The following DMRT1 variants were observed in gnomAD, a reference collection of about 807,000 sequenced individuals.
DMRT1 encodes doublesex- and mab-3-related transcription factor 1.
DMRT1 carries 7 observed loss-of-function variants against 32.3 expected under a neutral mutation model. That is an observed-to-expected ratio of 0.22 (90% CI 0.12 to 0.41). DMRT1 has a LOEUF of 0.41. Ranked by LOEUF, DMRT1 falls within the 10% of genes least tolerant of loss-of-function variation. DMRT1 has a pLI of 1.00. For synonymous variants in DMRT1, 278 were observed against 206.1 expected (o/e 1.35, Z -2.99); for missense variants, 625 against 500.5 (o/e 1.25, Z -2.37).
chr9:853,344 T>G (rs550621501), intron 2 of DMRT1, among the ~76,000 whole-genome samples: 2 of 152,338 alleles, frequency 1.3e-5, no homozygotes, highest in South Asian at 2.1e-4. Flanking sequence ...TTGTGTCCAT[T>G]ATAGTATTCA....
At chr9:901,012 T>A (rs1207578093) in intron 3 of DMRT1, among the ~76,000 whole-genome samples, 18 of 145,754 alleles carry the variant, frequency 1.2e-4, no homozygotes, top group African/African-American at 2.5e-4. Flanking sequence ...TTTTTTTTTT[T>A]AATTATTATT....
intron 2 of DMRT1, among the ~76,000 whole-genome samples, chr9:851,543 A>G (rs1301512331): frequency 6.6e-6 from 1 of 152,096 alleles, no homozygotes; most frequent in Non-Finnish European, 1.5e-5. Flanking sequence ...TGGCCTTAGT[A>G]GAATTTAAAG....
intron 2 of DMRT1, among the ~76,000 whole-genome samples, chr9:870,709 C>CTTGTTTTTTTTTT (rs1816207331): frequency 1.4e-5 from 1 of 69,560 alleles, no homozygotes; most frequent in Non-Finnish European, 2.5e-5. Flanking sequence ...ATTTTCTTGA[C>CTTGTTTTTTTTTT]TTTTTTTTTT....
At chr9:881,416 C>A (rs1816732297) in intron 2 of DMRT1, among the ~76,000 whole-genome samples, 2 of 152,118 alleles carry the variant, frequency 1.3e-5, no homozygotes, top group African/African-American at 4.8e-5. Flanking sequence ...CTTTCTGGGG[C>A]CTGCAGGGAC....
rs1437202526 is a variant in DMRT1, at chr9:943,318, C to T, written c.968-24667C>T. Among the ~76,000 whole-genome samples the T allele has an allele frequency of 2.0e-5, 3 of 152,336 alleles. No individual in the cohort carries two copies. In the East Asian group the frequency reaches 5.8e-4, roughly 29 times the overall value. On this transcript the variant is annotated intron_variant, in intron 4 of 4. Coordinates refer to ENST00000382276, the MANE Select transcript of DMRT1 (RefSeq NM_021951.3). ...GTTGAACCCCCTCACTTCTGAGTTGCACCTGTGTACTTGAAAAACAGTAAC... is the reference window on the plus strand; with the variant it reads ...GTTGAACCCCCTCACTTCTGAGTTGTACCTGTGTACTTGAAAAACAGTAAC...
At chr9:869,807 C>G (rs1172199982) in intron 2 of DMRT1, among the ~76,000 whole-genome samples, 1 of 152,030 alleles carries the variant, frequency 6.6e-6, no homozygotes, top group Non-Finnish European at 1.5e-5. Flanking sequence ...AGTCTTTTCT[C>G]CTCTTCTCCC....
At chr9:887,005 C>G (rs1164616968) in intron 2 of DMRT1, among the ~76,000 whole-genome samples, 2 of 152,200 alleles carry the variant, frequency 1.3e-5, no homozygotes, top group East Asian at 3.9e-4. Context: ...GATTGCTTTC[C>G]TGGTCTCTGG....
chr9:949,181 TG>T (rs1300126572), intron 4 of DMRT1, among the ~76,000 whole-genome samples: 2 of 152,040 alleles, frequency 1.3e-5, no homozygotes, highest in Non-Finnish European at 1.5e-5. Flanking sequence ...AAGATCAGCC[TG>T]GGCAACAAAG....
chr9:864,879 C>T (rs1290636713), intron 2 of DMRT1, among the ~76,000 whole-genome samples: 1 of 134,994 alleles, frequency 7.4e-6, no homozygotes, highest in Non-Finnish European at 1.6e-5. Flanking sequence ...AAAGCTTCGA[C>T]TAAACCATTT....
intron 2 of DMRT1, among the ~76,000 whole-genome samples, chr9:868,027 G>C (rs541026468): frequency 2.6e-5 from 4 of 152,302 alleles, no homozygotes; most frequent in Admixed American, 2.0e-4. Flanking sequence ...GCCCAGGCTG[G>C]AGTGCAGTCG....
At chr9:952,830 CA>C (rs1306023288) in intron 4 of DMRT1, among the ~76,000 whole-genome samples, 1 of 152,158 alleles carries the variant, frequency 6.6e-6, no homozygotes. Flanking sequence ...ATACTTTCAA[CA>C]GTAACATTAA....
At chr9:861,160 A>C (rs572729611) in intron 2 of DMRT1, among the ~76,000 whole-genome samples, 20 of 151,444 alleles carry the variant, frequency 1.3e-4, no homozygotes, top group African/African-American at 4.8e-4. Context: ...TCAGCAGATA[A>C]ACATGTGAAC....
chr9:862,066 C>A (rs143534583), intron 2 of DMRT1, among the ~76,000 whole-genome samples: 1 of 136,404 alleles, frequency 7.3e-6, no homozygotes. Context: ...GATGGGCGGC[C>A]AGGCAGAGAC....
chr9:937,839 T>C (rs1271252650), intron 4 of DMRT1, among the ~76,000 whole-genome samples: 1 of 152,116 alleles, frequency 6.6e-6, no homozygotes, highest in African/African-American at 2.4e-5. Flanking sequence ...CAAAAGTTTT[T>C]TTTTTATTTT....
At chr9:883,226 A>G (rs10977270) in intron 2 of DMRT1, among the ~76,000 whole-genome samples, 78,681 of 151,160 alleles carry the variant, frequency 0.52, 23,782 homozygotes, top group South Asian at 0.68. Context: ...AGTTCACACC[A>G]AGAAAAAAAA....
Position 846,942 on chromosome 9 carries a change from A to T in DMRT1, c.355-18A>T. Reference sequence around the variant, plus strand: ...ATTCTGGAGTGCTGGAGGATGACTCATTGTCGTGTGCTTCCAGGTGGCCCT... The same window carrying T: ...ATTCTGGAGTGCTGGAGGATGACTCTTTGTCGTGTGCTTCCAGGTGGCCCT... On this transcript the variant is annotated intron_variant, in intron 1 of 4. Coordinates refer to ENST00000382276, the MANE Select transcript of DMRT1 (RefSeq NM_021951.3). 1.2e-6 allele frequency: 2 copies of T among 1,614,030 alleles called. No homozygotes were observed. Among genetic ancestry groups the T allele is most frequent in the Non-Finnish European group, 1.7e-6 (2 of 1,180,042 alleles).
At chr9:880,828 T>C (rs1236202576) in intron 2 of DMRT1, among the ~76,000 whole-genome samples, 1 of 151,668 alleles carries the variant, frequency 6.6e-6, no homozygotes, top group Non-Finnish European at 1.5e-5. Context: ...CGCTGCATCA[T>C]CAGTGCCCGT....
chr9:869,168 G>A (rs900770393), intron 2 of DMRT1, among the ~76,000 whole-genome samples: 1 of 152,124 alleles, frequency 6.6e-6, no homozygotes, highest in African/African-American at 2.4e-5. Context: ...TTTTATCCGG[G>A]GGCGGAACAG....
chr9:857,261 T>TCA (rs1176529055), intron 2 of DMRT1, among the ~76,000 whole-genome samples: 64 of 152,074 alleles, frequency 4.2e-4, no homozygotes, highest in African/African-American at 1.5e-3. Context: ...GAGCTGAGAT[T>TCA]GCTCCACTGC....
Sources: allele counts gnomAD v4.1 joint callset (sites outside exome capture counted in the v4.1 genomes callset), GRCh38; gene constraint gnomAD v4.1.1; transcripts MANE v1.5; gene names NCBI Gene and HGNC (gene_info 2026-07-23, HGNC 2026-07-21).